Variants in DSG2 observed in about 807,000 individuals in gnomAD.
DSG2 encodes the protein desmoglein 2.
Under a neutral mutation model 75.6 loss-of-function variants are expected in DSG2, and 45 were observed. The observed-to-expected ratio is 0.60, with a 90% CI of 0.47 to 0.76. The LOEUF (loss-of-function observed/expected upper bound fraction) is 0.76. Among genes scored for constraint, DSG2 ranks in the 30% least tolerant of loss-of-function variants. The pLI is 0.00. For missense variants in DSG2, 1,267 were observed against 1,357.4 expected (o/e 0.93, Z 1.05); for synonymous variants, 429 against 483.9 (o/e 0.89, Z 1.49).
Position 31,546,021 on chromosome 18 carries a change from G to A in DSG2, c.2635G>A (p.Glu879Lys). 1 of 1,614,160 alleles carries A rather than the reference G, an allele frequency of 6.2e-7. No homozygotes were observed. Residue 879 changes from glutamate to lysine, a missense_variant, in exon 15 of 15, where the codon GAG (glutamate) becomes AAG (lysine). Physicochemically the swap from Glu to Lys is moderately conservative, Grantham distance 56. Transcript: ENST00000261590. ...CTGTGAGCAAACTATGGTTAATTCA[G>A]AGAATACCTACTCCTCTGGCAGTAG... is the stretch of plus-strand genomic sequence containing the variant. ...SLCEQTMVNS[E>K]NTYSSGSSFP...
chr18:31,530,004 G>A (rs2073184830), intron 8 of DSG2, among the ~76,000 whole-genome samples: 1 of 152,172 alleles, frequency 6.6e-6, no homozygotes, highest in Non-Finnish European at 1.5e-5. Flanking sequence ...ACATTGAAAA[G>A]TTGGAACATA....
chr18:31,532,610 T>C (rs116675326), intron 9 of DSG2, among the ~76,000 whole-genome samples: 2,787 of 152,276 alleles, frequency 0.018, 58 homozygotes, highest in African/African-American at 0.051. Flanking sequence ...TCCAAAGTAA[T>C]GTTAACAAAC....
At chr18:31,525,687 C>G (rs970595475) in intron 8 of DSG2, among the ~76,000 whole-genome samples, 6 of 152,272 alleles carry the variant, frequency 3.9e-5, no homozygotes, top group African/African-American at 1.4e-4. Context: ...TTTCATTGGG[C>G]AGGTTTCAGG....
chr18:31,505,862 A>G (rs1367213519), intron 1 of DSG2, among the ~76,000 whole-genome samples: 1 of 152,028 alleles, frequency 6.6e-6, no homozygotes, highest in African/African-American at 2.4e-5. Flanking sequence ...GAGTTTCACC[A>G]TGTTGGCCAG....
In DSG2 at chr18:31,541,234, G is replaced by A. The variant is rs1445203397; in HGVS notation, c.1921G>A (p.Ala641Thr). The A allele has an allele frequency of 9.3e-6, 15 of 1,614,010 alleles. No individual in the cohort carries two copies. Among genetic ancestry groups the A allele is most frequent in the African/African-American group, 2.7e-5 (2 of 74,930 alleles). The stretch of plus-strand genomic sequence containing the variant: ...GCTGATGTGCCATTGCGGAAAGGGC[G>A]CCAAAGGCTTTACCCCCATACCTGG... ...LLLMCHCGKG[A>T]KGFTPIPGTI... Residue 641 changes from alanine (A) to threonine (T), a missense_variant, in exon 13 of 15, where the codon GCC becomes ACC. Transcript: ENST00000261590.
At chr18:31,511,907 A>G (rs908946129) in intron 1 of DSG2, among the ~76,000 whole-genome samples, 1 of 152,252 alleles carries the variant, frequency 6.6e-6, no homozygotes, top group Non-Finnish European at 1.5e-5. Context: ...CGCTGTCCCA[A>G]TTCACAGCAG....
intron 6 of DSG2, among the ~76,000 whole-genome samples, chr18:31,524,211 T>A (rs1377428897): frequency 6.6e-6 from 1 of 152,242 alleles, no homozygotes; most frequent in Non-Finnish European, 1.5e-5. Context: ...TATCTCCTGA[T>A]AATATCACCA....
chr18:31,507,008 A>T (rs975167941), intron 1 of DSG2, among the ~76,000 whole-genome samples: 2 of 151,974 alleles, frequency 1.3e-5, no homozygotes, highest in African/African-American at 4.8e-5. Flanking sequence ...TACACATGCC[A>T]TTGTGGTTTG....
In DSG2 at chr18:31,541,259, G is replaced by A. The variant is rs745777499; in HGVS notation, c.1946G>A (p.Gly649Asp). 1 of 1,614,148 alleles carries A rather than the reference G, an allele frequency of 6.2e-7. No individual in the cohort carries two copies. The highest frequency in any genetic ancestry group is 1.1e-5 in the South Asian group (1 of 91,082). The change falls in exon 13 of 15, where the codon GGC becomes GAC. Residue 649 changes from glycine (G) to aspartate (D), a missense_variant. Physicochemically the swap from Gly to Asp is moderately conservative, Grantham distance 94. Coordinates refer to ENST00000261590, the MANE Select transcript of DSG2 (RefSeq NM_001943.5). ...KGAKGFTPIP[G>D]TIEMLHPWNN... ...GCCAAAGGCTTTACCCCCATACCTG[G>A]CACCATAGAGATGCTGCATCCTTGG...
chr18:31,503,651 G>A (rs2073025083), intron 1 of DSG2, among the ~76,000 whole-genome samples: 2 of 152,196 alleles, frequency 1.3e-5, no homozygotes, highest in Non-Finnish European at 2.9e-5. Flanking sequence ...TAGGATTTGA[G>A]TGATTAAGTA....
intron 8 of DSG2, among the ~76,000 whole-genome samples, chr18:31,526,069 G>A (rs2144325238): frequency 6.6e-6 from 1 of 152,120 alleles, no homozygotes; most frequent in South Asian, 2.1e-4. Context: ...ACTTGAACCT[G>A]GGAGGCGGAG....
chr18:31,546,725 A>G lies in DSG2; in HGVS notation c.3339A>G (p.Val1113=), dbSNP rs2073315109. 6.2e-7 allele frequency: 1 copy of G among 1,614,062 alleles called. No individual in the cohort carries two copies. Among genetic ancestry groups the G allele is most frequent in the African/African-American group, 1.3e-5 (1 of 74,922 alleles). ...SSTRVTKHST[V]QHSYS is the part of the protein sequence containing the mutation. ...CCAGAGTTACCAAGCATAGCACTGT[A>G]CAGCATTCTTACTCCTAAACAGCAG... Residue 1113 remains valine (V), a synonymous_variant, in exon 15 of 15, where the codon GTA becomes GTG. Coordinates refer to ENST00000261590, the MANE Select transcript of DSG2 (RefSeq NM_001943.5).
intron 1 of DSG2, among the ~76,000 whole-genome samples, chr18:31,502,035 A>G (rs1202121444): frequency 1.1e-4 from 16 of 152,230 alleles, no homozygotes; most frequent in Non-Finnish European, 2.9e-5. Flanking sequence ...TTTTAGAAAC[A>G]TGGATTTCTT....
intron 6 of DSG2, among the ~76,000 whole-genome samples, chr18:31,523,134 G>T (rs960242216): frequency 6.6e-6 from 1 of 152,164 alleles, no homozygotes; most frequent in African/African-American, 2.4e-5. Context: ...GGGCGTGGTG[G>T]CTCATGCCTG....
In DSG2 at chr18:31,547,251, CTTT is replaced by C. The variant is rs1157683708; in HGVS notation, c.*509_*511del. ...GCACCAGCTATGGTGCTCATAACTT[CTTT>C]AAGACTTGAACCCTTTCAATCTGTG... On this transcript the variant is annotated 3_prime_UTR_variant, in exon 15 of 15. Transcript: ENST00000261590. 8.9e-6 allele frequency: 2 copies of C among 224,130 alleles called. No homozygotes were observed. The highest frequency in any genetic ancestry group is 4.6e-5 in the African/African-American group (2 of 43,504). 13.9% of individuals were successfully genotyped at this position (224,130 alleles called of 1,614,324 possible).
intron 9 of DSG2, among the ~76,000 whole-genome samples, chr18:31,532,911 GTTT>G (rs2073206906): frequency 1.2e-5 from 1 of 80,446 alleles, no homozygotes; most frequent in African/African-American, 4.2e-5. Context: ...CTGCTGTTTT[GTTT>G]GTTTGTTTGT....
At chr18:31,515,877 G>T (rs938839036) in intron 1 of DSG2, among the ~76,000 whole-genome samples, 1 of 152,186 alleles carries the variant, frequency 6.6e-6, no homozygotes, top group African/African-American at 2.4e-5. Context: ...TGCAAAGGAT[G>T]TGAAAGAGAC....
At position 31,547,029 on chromosome 18, in the gene DSG2, T is replaced by A. The variant is rs560540301; in HGVS notation, c.*286T>A. Reference sequence around the variant, plus strand: ...CTGATAAAACAAGATACATAGAGAGTCAATCTGGCTTCTGAGAATTTACCA... The same window carrying A: ...CTGATAAAACAAGATACATAGAGAGACAATCTGGCTTCTGAGAATTTACCA... On this transcript the variant is annotated 3_prime_UTR_variant, in exon 15 of 15. Transcript: ENST00000261590. 2 of 467,008 alleles carry A rather than the reference T, an allele frequency of 4.3e-6. No homozygotes were observed. The highest frequency in any genetic ancestry group is 7.9e-6 in the Non-Finnish European group (2 of 254,768). The allele number at this position is 467,008 out of a possible 1,614,324, so 28.9% of individuals were successfully genotyped here.
chr18:31,522,834 A>G (rs2073137143), intron 6 of DSG2, among the ~76,000 whole-genome samples: 1 of 152,190 alleles, frequency 6.6e-6, no homozygotes, highest in South Asian at 2.1e-4. Flanking sequence ...TTAGAGAATA[A>G]AAGTATCTGT....
Sources: gnomAD v4.1 joint callset for allele counts (sites outside exome capture counted in the v4.1 genomes callset) on GRCh38, gnomAD v4.1.1 for gene constraint, MANE v1.5 for transcripts, NCBI Gene and HGNC (gene_info 2026-07-23, HGNC 2026-07-21) for gene names.